The following GPD2 variants were observed in gnomAD, a reference collection of about 807,000 sequenced individuals.
The protein encoded by GPD2 is glycerol-3-phosphate dehydrogenase 2.
A neutral mutation model predicts 82.4 loss-of-function variants in GPD2; 54 were observed. The ratio of observed to expected loss-of-function variants is 0.66; its 90% confidence interval spans 0.53 to 0.82. GPD2 has a LOEUF of 0.82. Among genes scored for constraint, GPD2 ranks in the 40% least tolerant of loss-of-function variants. GPD2 has a pLI of 0.00. For missense variants in GPD2, 748 were observed against 896.2 expected (o/e 0.83, Z 2.11); for synonymous variants, 288 against 306.1 (o/e 0.94, Z 0.62).
intron 6 of GPD2, among the ~76,000 whole-genome samples, chr2:156,548,899 T>A (rs1185888430): frequency 6.6e-6 from 1 of 152,182 alleles, no homozygotes; most frequent in Non-Finnish European, 1.5e-5. Flanking sequence ...GATGCCAGTA[T>A]TTTAAAGTGC....
At chr2:156,421,668 A>ATT in the GPD2 span, among the ~76,000 whole-genome samples, 1 of 152,160 alleles carries the variant, frequency 6.6e-6, no homozygotes, top group Non-Finnish European at 1.5e-5. Flanking sequence ...CTAACCCAAA[A>ATT]TATGTCTTGC....
Position 156,549,680 on chromosome 2 carries a change from A to G in GPD2, c.734A>G (p.Asn245Ser), listed in dbSNP as rs140651144. Residue 245 changes from asparagine (N) to serine (S), a missense_variant, in exon 7 of 17, where the codon AAT becomes AGT. This residue lies in a region of GPD2 where 692 missense variants were observed against 809.7 expected (regional missense o/e 0.85). Coordinates refer to ENST00000438166, the MANE Select transcript of GPD2 (RefSeq NM_000408.5). ...GCCAGGTATGGGGCTGCCACAGCCA[A>G]TTACATGGAGGTAGTGAGCTTGCTC... ...TAARYGAATA[N>S]YMEVVSLLKK... is the part of the protein sequence containing the mutation. 4.3e-6 allele frequency: 7 copies of G among 1,613,728 alleles called. No individual in the cohort carries two copies. In the African/African-American group the frequency reaches 6.7e-5, roughly 15 times the overall value.
intron 6 of GPD2, among the ~76,000 whole-genome samples, chr2:156,528,915 T>C (rs901117755): frequency 6.6e-6 from 1 of 152,154 alleles, no homozygotes; most frequent in African/African-American, 2.4e-5. Context: ...CATGTGTCTT[T>C]ATAGCAGCAT....
At chr2:156,426,219 G>A in the GPD2 span, among the ~76,000 whole-genome samples, 5 of 152,194 alleles carry the variant, frequency 3.3e-5, no homozygotes, top group South Asian at 4.1e-4. Context: ...CACCACGCCC[G>A]GCCAAGTCTG....
At chr2:156,412,102 C>A in the GPD2 span, among the ~76,000 whole-genome samples, 1 of 152,076 alleles carries the variant, frequency 6.6e-6, no homozygotes, top group Non-Finnish European at 1.5e-5. Context: ...TATCTGCAGA[C>A]AACTGTATGA....
At position 156,513,506 on chromosome 2, in the gene GPD2, GTTTT is replaced by G; in HGVS notation, c.661+21_661+24del. On this transcript the variant is annotated intron_variant, in intron 6 of 16. Transcript: ENST00000438166. ...ATTGTCTACTATGACGGTATGTGAT[GTTTT>G]TTTTTTTTTTCCTCACAAGATACTT... The G allele has an allele frequency of 5.8e-6, 8 of 1,386,026 alleles. No individual in the cohort carries two copies. Among genetic ancestry groups the G allele is most frequent in the Non-Finnish European group, 8.0e-6 (8 of 1,006,058 alleles). The allele number at this position is 1,386,026 out of a possible 1,614,324, so 85.9% of individuals were successfully genotyped here. A position where few individuals can be genotyped will look rare whatever the true frequency, so the allele number is the denominator to read the frequency against.
At chr2:156,571,007 G>A (rs1333501746) in intron 12 of GPD2, 127 bp from the exon 13 acceptor site, 2 of 734,720 alleles carry the variant, frequency 2.7e-6, no homozygotes, top group Admixed American at 3.8e-5. Context: ...GCCTGCTGGA[G>A]GACCAGAGAG....
the GPD2 span, among the ~76,000 whole-genome samples, chr2:156,416,086 C>T: frequency 1.3e-5 from 2 of 151,338 alleles, no homozygotes; most frequent in South Asian, 2.1e-4. Context: ...TCATCCAGGT[C>T]TCTGCAAATA....
intron 1 of GPD2, among the ~76,000 whole-genome samples, chr2:156,450,368 A>G (rs193186561): frequency 6.6e-6 from 1 of 152,308 alleles, no homozygotes; most frequent in Admixed American, 6.5e-5. Flanking sequence ...TACTGGATGG[A>G]GTTACCTACA....
At chr2:156,569,197 T>G (rs1379705191) in intron 10 of GPD2, among the ~76,000 whole-genome samples, 166 bp from the exon 11 acceptor site, 1 of 152,094 alleles carries the variant, frequency 6.6e-6, no homozygotes, top group East Asian at 1.9e-4. Context: ...GAATCTCTTT[T>G]AACTTTATTG....
At chr2:156,404,313 G>A in the GPD2 span, among the ~76,000 whole-genome samples, 1 of 152,168 alleles carries the variant, frequency 6.6e-6, no homozygotes, top group African/African-American at 2.4e-5. Context: ...GAGCCTGGGA[G>A]TTTGAGGCTG....
intron 3 of GPD2, among the ~76,000 whole-genome samples, chr2:156,510,075 G>A (rs1684940617): frequency 6.6e-6 from 1 of 152,030 alleles, no homozygotes; most frequent in African/African-American, 2.4e-5. Flanking sequence ...AAGCCACTAC[G>A]CCTGGCAAGA....
chr2:156,539,639 C>A (rs893479005), intron 6 of GPD2, among the ~76,000 whole-genome samples: 1 of 152,130 alleles, frequency 6.6e-6, no homozygotes, highest in Non-Finnish European at 1.5e-5. Flanking sequence ...GCACATGGTT[C>A]CATGTGTTTA....
the GPD2 span, among the ~76,000 whole-genome samples, chr2:156,409,626 G>A: frequency 6.6e-6 from 1 of 152,126 alleles, no homozygotes; most frequent in Non-Finnish European, 1.5e-5. Context: ...CTTGAGCCTG[G>A]GAGTTTGAGG....
At chr2:156,489,002 T>A (rs953882255) in intron 2 of GPD2, among the ~76,000 whole-genome samples, 2 of 152,180 alleles carry the variant, frequency 1.3e-5, no homozygotes, top group African/African-American at 4.8e-5. Flanking sequence ...AGGCAGTTTG[T>A]TTTGTGTGTT....
At chr2:156,483,437 A>G (rs1683808532) in intron 2 of GPD2, among the ~76,000 whole-genome samples, 1 of 152,222 alleles carries the variant, frequency 6.6e-6, no homozygotes, top group Admixed American at 6.5e-5. Flanking sequence ...GGTCTTCAGT[A>G]TCTGCTTTAC....
At chr2:156,539,821 G>T (rs1686236304) in intron 6 of GPD2, among the ~76,000 whole-genome samples, 2 of 152,190 alleles carry the variant, frequency 1.3e-5, no homozygotes. Context: ...ATGAAAGATG[G>T]TTTAGTTATA....
At chr2:156,422,290 C>T in the GPD2 span, among the ~76,000 whole-genome samples, 4 of 152,038 alleles carry the variant, frequency 2.6e-5, no homozygotes, top group Non-Finnish European at 5.9e-5. Context: ...GGCACATTAC[C>T]CATCTGATGT....
intron 6 of GPD2, among the ~76,000 whole-genome samples, chr2:156,544,880 C>T (rs945792322): frequency 6.6e-6 from 1 of 152,186 alleles, no homozygotes; most frequent in Non-Finnish European, 1.5e-5. Flanking sequence ...TTTTAAGATA[C>T]ATTCTCCCTA....
Sources: allele counts gnomAD v4.1 joint callset (sites outside exome capture counted in the v4.1 genomes callset), GRCh38; gene constraint gnomAD v4.1.1; regional missense constraint gnomAD v4.1.1; transcripts MANE v1.5; gene names NCBI Gene and HGNC (gene_info 2026-07-23, HGNC 2026-07-21).